The following HCRTR2 variants were observed in gnomAD, a reference collection of about 807,000 sequenced individuals.
The protein encoded by HCRTR2 is hypocretin receptor 2, also known as orexin receptor type 2.
A neutral mutation model predicts 49.0 loss-of-function variants in HCRTR2; 22 were observed. The observed-to-expected ratio is 0.45, with a 90% CI of 0.32 to 0.64. The LOEUF (loss-of-function observed/expected upper bound fraction) is 0.64. Ranked by LOEUF, HCRTR2 falls within the 30% of genes least tolerant of loss-of-function variation. The probability of loss-of-function intolerance (pLI) is 0.04; values close to 1 mark genes in which losing one functional copy is unlikely to be tolerated. For missense variants in HCRTR2, 491 were observed against 559.4 expected (o/e 0.88, Z 1.23); for synonymous variants, 236 against 205.3 (o/e 1.15, Z -1.28).
chr6:55,263,084 C>A (rs1307536586), intron 3 of HCRTR2, among the ~76,000 whole-genome samples: 1 of 151,718 alleles, frequency 6.6e-6, no homozygotes, highest in Non-Finnish European at 1.5e-5. Context: ...CATACACACA[C>A]CACAGACATA....
intron 1 of HCRTR2, among the ~76,000 whole-genome samples, chr6:55,239,886 T>C (rs1184518211): frequency 6.7e-6 from 1 of 150,138 alleles, no homozygotes; most frequent in Non-Finnish European, 1.5e-5. Context: ...CAAGCGATTC[T>C]CCCGCCTTAG....
intron 1 of HCRTR2, 58 bp downstream of exon 1, chr6:55,174,868 T>A: frequency 7.0e-7 from 1 of 1,418,790 alleles, no homozygotes; most frequent in Non-Finnish European, 1.0e-6. Flanking sequence ...CGCCCCGGGC[T>A]GAGAAGGCTC....
At chr6:55,198,084 T>C (rs189994991) in intron 1 of HCRTR2, among the ~76,000 whole-genome samples, 23 of 152,178 alleles carry the variant, frequency 1.5e-4, no homozygotes, top group Admixed American at 4.6e-4. Context: ...AACTTAAACA[T>C]AACTCAAAAT....
At chr6:55,218,590 C>G (rs1200397209) in intron 1 of HCRTR2, among the ~76,000 whole-genome samples, 1 of 152,022 alleles carries the variant, frequency 6.6e-6, no homozygotes, top group African/African-American at 2.4e-5. Flanking sequence ...GAATGGTAAC[C>G]AGATGAGAGC....
intron 4 of HCRTR2, among the ~76,000 whole-genome samples, chr6:55,273,501 T>A (rs1767014419): frequency 6.6e-6 from 1 of 152,054 alleles, no homozygotes; most frequent in Non-Finnish European, 1.5e-5. Context: ...CTCGACTTAT[T>A]TCCATTTGTC....
intron 5 of HCRTR2, among the ~76,000 whole-genome samples, chr6:55,278,567 A>G (rs1168007254): frequency 6.6e-6 from 1 of 152,112 alleles, no homozygotes; most frequent in Non-Finnish European, 1.5e-5. Flanking sequence ...ATGGAGAAGA[A>G]ATGGAGAACA....
intron 1 of HCRTR2, among the ~76,000 whole-genome samples, chr6:55,238,869 A>C (rs1766265738): frequency 6.6e-6 from 1 of 152,202 alleles, no homozygotes; most frequent in Admixed American, 6.5e-5. Context: ...CCCCCAAAAT[A>C]AGTTCATTGC....
At chr6:55,245,561 C>T (rs1054373776) in intron 1 of HCRTR2, among the ~76,000 whole-genome samples, 2 of 146,600 alleles carry the variant, frequency 1.4e-5, no homozygotes, top group African/African-American at 2.5e-5. Flanking sequence ...CTCAAACTGT[C>T]TTAATAGACT....
At chr6:55,179,325 G>A (rs1765092685) in intron 1 of HCRTR2, among the ~76,000 whole-genome samples, 1 of 152,092 alleles carries the variant, frequency 6.6e-6, no homozygotes, top group Non-Finnish European at 1.5e-5. Flanking sequence ...AGACTCAATA[G>A]AATCATGAAT....
chr6:55,119,679 C>T (rs1421507420), intron 1 of HCRTR2, among the ~76,000 whole-genome samples: 1 of 146,788 alleles, frequency 6.8e-6, no homozygotes, highest in Non-Finnish European at 1.5e-5. Context: ...AGCCCTTTGT[C>T]AGATGGATAG....
At chr6:55,270,657 A>ATATAATT (rs1336504939) in intron 4 of HCRTR2, among the ~76,000 whole-genome samples, 1 of 152,228 alleles carries the variant, frequency 6.6e-6, no homozygotes, top group African/African-American at 2.4e-5. Flanking sequence ...ATTATTAAAA[A>ATATAATT]TGTTATATAA....
At chr6:55,148,238 G>A (rs369210184) in intron 1 of HCRTR2, among the ~76,000 whole-genome samples, 19 of 151,992 alleles carry the variant, frequency 1.3e-4, no homozygotes, top group East Asian at 1.9e-4. Flanking sequence ...TGAAATGATC[G>A]TGTGTGTGTG....
At chr6:55,255,467 T>C (rs1766635001) in intron 3 of HCRTR2, 88 bp downstream of exon 3, 2 of 1,457,628 alleles carry the variant, frequency 1.4e-6, no homozygotes, top group African/African-American at 2.8e-5. Flanking sequence ...AAGCTGGGCT[T>C]ATATATTTTA....
chr6:55,143,701 A>G (rs1303510985), intron 1 of HCRTR2, among the ~76,000 whole-genome samples: 1 of 152,112 alleles, frequency 6.6e-6, no homozygotes, highest in Non-Finnish European at 1.5e-5. Flanking sequence ...TCCACACAAT[A>G]ATTTGATGAG....
intron 1 of HCRTR2, among the ~76,000 whole-genome samples, chr6:55,151,330 A>G (rs1764662052): frequency 6.6e-6 from 1 of 152,066 alleles, no homozygotes; most frequent in Admixed American, 6.6e-5. Context: ...TAAGTCTGCC[A>G]CTGCTTTATC....
chr6:55,118,929 C>T (rs921696162), intron 1 of HCRTR2, among the ~76,000 whole-genome samples: 1 of 151,828 alleles, frequency 6.6e-6, no homozygotes, highest in African/African-American at 2.4e-5. Flanking sequence ...TTATGCTATT[C>T]CTCCCCTATC....
chr6:55,142,821 A>G (rs1345586306), intron 1 of HCRTR2, among the ~76,000 whole-genome samples: 1 of 150,272 alleles, frequency 6.7e-6, no homozygotes, highest in Non-Finnish European at 1.5e-5. Flanking sequence ...ATACAAGGAA[A>G]CACCTATGAT....
chr6:55,149,199 C>A (rs1010622270), intron 1 of HCRTR2, among the ~76,000 whole-genome samples: 1 of 151,904 alleles, frequency 6.6e-6, no homozygotes, highest in African/African-American at 2.4e-5. Context: ...TTTTTCTCAA[C>A]CAAATACAGT....
intron 1 of HCRTR2, among the ~76,000 whole-genome samples, chr6:55,243,933 T>C (rs9382472): frequency 0.24 from 36,982 of 151,926 alleles, 4,632 homozygotes; most frequent in Non-Finnish European, 0.28. Context: ...AGAAAGTTTT[T>C]TATTTTGTTG....
Sources: allele counts gnomAD v4.1 joint callset (sites outside exome capture counted in the v4.1 genomes callset), GRCh38; gene constraint gnomAD v4.1.1; transcripts MANE v1.5; gene names NCBI Gene and HGNC (gene_info 2026-07-23, HGNC 2026-07-21).